Variants in HMGA2 observed in about 807,000 individuals in gnomAD.
The protein encoded by HMGA2 is high mobility group AT-hook 2.
Under a neutral mutation model 19.1 loss-of-function variants are expected in HMGA2, and 8 were observed. That is an observed-to-expected ratio of 0.42 (90% CI 0.25 to 0.76). The LOEUF (loss-of-function observed/expected upper bound fraction) is 0.76. Among genes scored for constraint, HMGA2 ranks in the 30% least tolerant of loss-of-function variants. The pLI is 0.28. For missense variants in HMGA2, 109 were observed against 136.3 expected, an observed-to-expected ratio of 0.80 and a Z score of 1.00; for synonymous variants, 60 against 48.8, an observed-to-expected ratio of 1.23 and a Z score of -0.96.
intron 3 of HMGA2, among the ~76,000 whole-genome samples, chr12:65,930,159 C>T (rs892386490): frequency 3.3e-5 from 5 of 152,174 alleles, no homozygotes; most frequent in African/African-American, 1.2e-4. Context: ...TATATCTGAA[C>T]AGAATGCTTC....
chr12:65,962,370 G>A (rs1018169629), intron 4 of HMGA2, among the ~76,000 whole-genome samples: 5 of 152,234 alleles, frequency 3.3e-5, no homozygotes, highest in Non-Finnish European at 7.3e-5. Flanking sequence ...TCAGAAAAAG[G>A]AAAAGGGAAG....
intron 3 of HMGA2, among the ~76,000 whole-genome samples, chr12:65,861,866 T>C (rs983586524): frequency 4.7e-5 from 7 of 149,902 alleles, no homozygotes; most frequent in Non-Finnish European, 8.9e-5. Flanking sequence ...TTTTTTGGAA[T>C]GAAGTTTCGC....
At chr12:65,941,580 C>A (rs1418417982) in intron 3 of HMGA2, among the ~76,000 whole-genome samples, 1 of 152,152 alleles carries the variant, frequency 6.6e-6, no homozygotes, top group East Asian at 1.9e-4. Flanking sequence ...ATAGAGCACT[C>A]AACCCATAAA....
At chr12:65,890,642 G>T (rs1873862413) in intron 3 of HMGA2, among the ~76,000 whole-genome samples, 1 of 151,886 alleles carries the variant, frequency 6.6e-6, no homozygotes, top group Non-Finnish European at 1.5e-5. Flanking sequence ...TCAGCTTTCA[G>T]ATAGACCTGA....
rs1367312438 is a variant in HMGA2, at chr12:65,963,406, TGGGGTGGGGTGGGGTGGGGGAGGGG to T, written c.*129_*153del. 7 of 4,774 alleles carry T rather than the reference TGGGGTGGGGTGGGGTGGGGGAGGGG, an allele frequency of 1.5e-3. 1 individual carries two copies. In the East Asian group the frequency reaches 0.016, roughly 11 times the overall value. 0.3% of individuals were successfully genotyped at this position (4,774 alleles called of 1,614,324 possible). A position where few individuals can be genotyped will look rare whatever the true frequency, so the allele number is the denominator to read the frequency against. ...ATGGTCTTTCCACTTTCATCTGGGG[TGGGGTGGGGTGGGGTGGGGGAGGGG>T]GGGGTGGGGTGGGGAGAAATCACAT... On this transcript the variant is annotated 3_prime_UTR_variant, in exon 5 of 5. Coordinates refer to ENST00000403681, the MANE Select transcript of HMGA2 (RefSeq NM_003483.6).
At chr12:65,880,744 C>G (rs1018581491) in intron 3 of HMGA2, among the ~76,000 whole-genome samples, 1 of 151,968 alleles carries the variant, frequency 6.6e-6, no homozygotes, top group African/African-American at 2.4e-5. Context: ...GATTCTTATT[C>G]CAGGAGTCTA....
intron 3 of HMGA2, among the ~76,000 whole-genome samples, chr12:65,921,910 T>G (rs1875328972): frequency 6.6e-6 from 1 of 152,252 alleles, no homozygotes. Flanking sequence ...GGCTGTGGCT[T>G]TGGCGAGTGG....
At chr12:65,938,785 G>GACTACTACT (rs1397736593) in intron 3 of HMGA2, among the ~76,000 whole-genome samples, 2 of 152,096 alleles carry the variant, frequency 1.3e-5, no homozygotes, top group East Asian at 3.9e-4. Flanking sequence ...GAGTAGTTGA[G>GACTACTACT]ACTACTACTA....
intron 3 of HMGA2, chr12:65,915,223 C>T: frequency 1.3e-6 from 2 of 1,593,172 alleles, no homozygotes; most frequent in Non-Finnish European, 1.7e-6. Flanking sequence ...GTGGCTTTCT[C>T]CGATATAGAA....
At chr12:65,843,776 T>G (rs2120897834) in intron 3 of HMGA2, among the ~76,000 whole-genome samples, 1 of 152,190 alleles carries the variant, frequency 6.6e-6, no homozygotes, top group Non-Finnish European at 1.5e-5. Flanking sequence ...TGGCTGGGCA[T>G]GGTGGCTCAT....
chr12:65,886,947 T>C (rs963588649), intron 3 of HMGA2, among the ~76,000 whole-genome samples: 2 of 152,208 alleles, frequency 1.3e-5, no homozygotes, highest in African/African-American at 4.8e-5. Flanking sequence ...CCTTAATAAG[T>C]AAGCAAGACT....
chr12:65,861,639 A>C (rs1019796202), intron 3 of HMGA2, among the ~76,000 whole-genome samples: 4 of 151,056 alleles, frequency 2.6e-5, no homozygotes, highest in Admixed American at 6.6e-5. Flanking sequence ...AAAAAAAAAA[A>C]AACCTAGATA....
chr12:65,853,110 G>A (rs1871558468), intron 3 of HMGA2, among the ~76,000 whole-genome samples: 1 of 152,184 alleles, frequency 6.6e-6, no homozygotes, highest in Admixed American at 6.5e-5. Context: ...CGACTGACGT[G>A]TGGGGAACTG....
chr12:65,950,857 A>C (rs1472009569), intron 3 of HMGA2, among the ~76,000 whole-genome samples: 1 of 152,206 alleles, frequency 6.6e-6, no homozygotes, highest in African/African-American at 2.4e-5. Flanking sequence ...GCCAGAATTT[A>C]ATTGGGAATT....
intron 3 of HMGA2, among the ~76,000 whole-genome samples, chr12:65,918,309 A>T (rs1875181865): frequency 6.6e-6 from 1 of 152,212 alleles, no homozygotes; most frequent in African/African-American, 2.4e-5. Flanking sequence ...GAGGGAAATC[A>T]CATGTTCCTT....
At chr12:65,927,404 C>CT (rs1875545087) in intron 3 of HMGA2, among the ~76,000 whole-genome samples, 2 of 152,188 alleles carry the variant, frequency 1.3e-5, no homozygotes, top group South Asian at 4.2e-4. Flanking sequence ...CATATTCTGC[C>CT]TCCACTAGAT....
intron 3 of HMGA2, chr12:65,877,001 T>G (rs1361154872): frequency 6.6e-6 from 1 of 152,136 alleles, no homozygotes; most frequent in Non-Finnish European, 1.5e-5. Flanking sequence ...GGGCTCTGGG[T>G]TGCTGGGTGC....
chr12:65,850,607 CA>C (rs1871421349), intron 3 of HMGA2, among the ~76,000 whole-genome samples: 2 of 151,096 alleles, frequency 1.3e-5, no homozygotes, highest in South Asian at 4.2e-4. Context: ...ATCTTTGAAA[CA>C]AATATATTAC....
chr12:65,938,923 C>T (rs1215270777), intron 3 of HMGA2, among the ~76,000 whole-genome samples: 1 of 152,112 alleles, frequency 6.6e-6, no homozygotes, highest in African/African-American at 2.4e-5. Flanking sequence ...CTCATCCTCC[C>T]AAGCAAGTCA....
Sources: allele counts gnomAD v4.1 joint callset (sites outside exome capture counted in the v4.1 genomes callset), GRCh38; gene constraint gnomAD v4.1.1; transcripts MANE v1.5; gene names NCBI Gene and HGNC (gene_info 2026-07-23, HGNC 2026-07-21).